CREB3L3: variants seen among roughly 807,000 people sequenced by gnomAD.
The protein encoded by CREB3L3 is cAMP responsive element binding protein 3 like 3, also known as cyclic AMP-responsive element-binding protein 3-like protein 3.
CREB3L3 carries 40 observed loss-of-function variants against 44.6 expected under a neutral mutation model. The observed-to-expected ratio is 0.90, with a 90% CI of 0.70 to 1.17. The LOEUF (loss-of-function observed/expected upper bound fraction) is 1.17, where lower values mean the gene tolerates loss of function less well. Among genes scored for constraint, CREB3L3 ranks in the 50% most tolerant of loss-of-function variants. The pLI is 0.00. For missense variants in CREB3L3, 578 were observed against 595.8 expected (o/e 0.97, Z 0.31); for synonymous variants, 273 against 256.3 (o/e 1.06, Z -0.62).
intron 4 of CREB3L3, among the ~76,000 whole-genome samples, chr19:4,160,315 A>T (rs1408803110): frequency 1.3e-5 from 2 of 151,854 alleles, no homozygotes. Context: ...CAACAAAAAG[A>T]ACAAAGCTAA....
At chr19:4,162,796 G>C (rs350861) in intron 4 of CREB3L3, among the ~76,000 whole-genome samples, 1 of 151,618 alleles carries the variant, frequency 6.6e-6, no homozygotes, top group South Asian at 2.1e-4. Flanking sequence ...CTGGGCAACA[G>C]AGTGAAACCC....
At position 4,157,231 on chromosome 19, in the gene CREB3L3, T is replaced by C; in HGVS notation, c.393T>C (p.Ser131=). Residue 131 remains serine, a synonymous_variant, in exon 3 of 10, where the codon TCT becomes TCC. Transcript: ENST00000078445. ...GCCTCTCCTATCATCCTGGCAACTC[T>C]TGCTCCACCACAACCCCAGGGCCAG... ...GPCLSYHPGN[S]CSTTTPGPVI... The C allele has an allele frequency of 1.9e-6, 3 of 1,614,102 alleles. No homozygotes were observed. The highest frequency in any genetic ancestry group is 2.5e-6 in the Non-Finnish European group (3 of 1,180,004).
At position 4,159,720 on chromosome 19, in the gene CREB3L3, C is replaced by T. The variant is rs1422593567; in HGVS notation, c.514C>T (p.Leu172=). The T allele has an allele frequency of 1.4e-5, 23 of 1,603,290 alleles. No homozygotes were observed. Among genetic ancestry groups the T allele is most frequent in the Middle Eastern group, 1.7e-4 (1 of 6,056 alleles). ...CAEKPADPVD[L]SPRCNLTVKD... is the part of the protein sequence containing the mutation. ...TGAGAAGCCGGCTGATCCGGTGGAC[C>T]TGTCCCCACGATGCAATCTCACCGT... The change falls in exon 4 of 10, where the codon CTG becomes TTG. Residue 172 remains leucine, a synonymous_variant. Transcript: ENST00000078445.
intron 1 of CREB3L3, among the ~76,000 whole-genome samples, chr19:4,154,361 C>T (rs926099022): frequency 5.9e-5 from 9 of 152,086 alleles, no homozygotes; most frequent in East Asian, 3.9e-4. Flanking sequence ...TGTGAGCCAC[C>T]GTGCCTGCCA....
Position 4,164,529 on chromosome 19 carries a change from C to A in CREB3L3, c.603C>A (p.Tyr201Ter), listed in dbSNP as rs1433306229. 1 of 1,614,116 alleles carries A rather than the reference C, an allele frequency of 6.2e-7. No homozygotes were observed. The highest frequency in any genetic ancestry group is 1.7e-5 in the Admixed American group (1 of 60,002). ...DLQQHHLGAS[Y>*]LLRPGAGHCQ... ...AACAGCATCACCTGGGGGCCTCCTA[C>A]CTCCTGCGACCTGGGGCTGGGCACT... is the stretch of plus-strand genomic sequence containing the variant. The change falls in exon 5 of 10, where the codon TAC becomes TAA. Residue 201 changes from tyrosine (Y) to a stop codon, truncating the protein, a stop_gained. Transcript: ENST00000078445. LOFTEE classifies it high-confidence loss of function.
Position 4,153,756 on chromosome 19 carries a change from G to A in CREB3L3, c.9G>A (p.Thr3=), listed in dbSNP as rs200376059. Residue 3 remains threonine (T), a synonymous_variant, in exon 1 of 10, where the codon ACG becomes ACA. Coordinates refer to ENST00000078445, the MANE Select transcript of CREB3L3 (RefSeq NM_032607.3). MN[T]DLAAGKMASA... is the part of the protein sequence containing the mutation. ...CAGAACTGGATGGACCCATGAATAC[G>A]GATTTAGCTGCTGGAAAGGTGAGCC... The A allele has an allele frequency of 6.3e-5, 102 of 1,614,112 alleles. No individual in the cohort carries two copies. The highest frequency in any genetic ancestry group is 7.4e-5 in the Non-Finnish European group (87 of 1,180,034).
At position 4,171,519 on chromosome 19, in the gene CREB3L3, C is replaced by T; in HGVS notation, c.1072+40C>T. The stretch of plus-strand genomic sequence containing the variant: ...CCTTTGAAACCCTTGTCTGGTCTCC[C>T]CAAGTCCCCGTCCTGGGCCTCTGGG... On this transcript the variant is annotated intron_variant, in intron 9 of 9. Coordinates refer to ENST00000078445, the MANE Select transcript of CREB3L3 (RefSeq NM_032607.3). This position sits in a 1 kb window ranked among gnomAD's most constrained non-coding sequence, Gnocchi z 4.9. The T allele has an allele frequency of 6.2e-7, 1 of 1,609,512 alleles. No individual in the cohort carries two copies. Among genetic ancestry groups the T allele is most frequent in the Non-Finnish European group, 8.5e-7 (1 of 1,176,030 alleles).
In CREB3L3 at chr19:4,153,633, C is replaced by G; in HGVS notation, c.-115C>G. 7.8e-7 allele frequency: 1 copy of G among 1,289,274 alleles called. No individual in the cohort carries two copies. Among genetic ancestry groups the G allele is most frequent in the South Asian group, 1.2e-5 (1 of 81,108 alleles). The allele number at this position is 1,289,274 out of a possible 1,614,324, so 79.9% of individuals were successfully genotyped here. On this transcript the variant is annotated 5_prime_UTR_variant, in exon 1 of 10. Coordinates refer to ENST00000078445, the MANE Select transcript of CREB3L3 (RefSeq NM_032607.3). ...CTTCAGCATCTTTTGGGAGTGGTGA[C>G]AGAGCCACAGAGGGCTGTGAGCTTG...
intron 5 of CREB3L3, among the ~76,000 whole-genome samples, chr19:4,167,090 C>T (rs1229431927): frequency 6.6e-6 from 1 of 152,094 alleles, no homozygotes; most frequent in Non-Finnish European, 1.5e-5. Context: ...TGCCTGTAAT[C>T]CCAGCTCTTT....
chr19:4,157,286 A>T lies in CREB3L3; in HGVS notation c.448A>T (p.Ile150Leu). 1 of 1,614,152 alleles carries T rather than the reference A, an allele frequency of 6.2e-7. No homozygotes were observed. The highest frequency in any genetic ancestry group is 1.1e-5 in the South Asian group (1 of 91,088). The change falls in exon 3 of 10, where the codon ATA becomes TTA. Residue 150 changes from isoleucine (I) to leucine (L), a missense_variant. By Grantham distance (5) the Ile-to-Leu change is conservative. Coordinates refer to ENST00000078445, the MANE Select transcript of CREB3L3 (RefSeq NM_032607.3). ...VIQVPEASVT[I>L]DLEMWSPGGR... The stretch of plus-strand genomic sequence containing the variant: ...CCAAGTACCTGAAGCCTCTGTGACC[A>T]TAGACCTGGGTGAGTCCTGCTGTGT...
chr19:4,170,566 C>T (rs1599346630), intron 7 of CREB3L3, among the ~76,000 whole-genome samples: 4 of 151,576 alleles, frequency 2.6e-5, no homozygotes, highest in South Asian at 4.2e-4. Context: ...GAGCCGAGAT[C>T]GCACCACTGC....
intron 4 of CREB3L3, among the ~76,000 whole-genome samples, chr19:4,162,153 C>A (rs2145128047): frequency 6.6e-6 from 1 of 152,184 alleles, no homozygotes; most frequent in Admixed American, 6.5e-5. Flanking sequence ...CTACAGGTGC[C>A]TGCCACCATG....
At chr19:4,154,854 G>A in intron 1 of CREB3L3, 45 bp from the exon 2 acceptor site, 1 of 1,612,698 alleles carries the variant, frequency 6.2e-7, no homozygotes, top group Non-Finnish European at 8.5e-7. Flanking sequence ...AGGTGGGGAG[G>A]ACAGGGGCTG....
In CREB3L3 at chr19:4,166,411, C is replaced by T. The variant is rs540308005; in HGVS notation, c.714+1771C>T. Among the ~76,000 whole-genome samples, 592 of 145,626 alleles carry T rather than the reference C, an allele frequency of 4.1e-3. 8 individuals are homozygous for T. Among genetic ancestry groups the T allele is most frequent in the African/African-American group, 0.014 (568 of 39,360 alleles). ...CTGGGATTACAGGCACGCGCCACCA[C>T]GCCTGGCTAATTTTTTTTTTTTTTT... On this transcript the variant is annotated intron_variant, in intron 5 of 9. Transcript: ENST00000078445.
chr19:4,160,813 A>C, intron 4 of CREB3L3, among the ~76,000 whole-genome samples: 1 of 149,014 alleles, frequency 6.7e-6, no homozygotes. Flanking sequence ...GGCTCACTGC[A>C]AGCTCCGCCT....
chr19:4,172,928 G>T lies in CREB3L3; in HGVS notation c.*959G>T, dbSNP rs976243178. The T allele has an allele frequency of 6.5e-6, 1 of 153,448 alleles. No homozygotes were observed. Among genetic ancestry groups the T allele is most frequent in the Admixed American group, 6.5e-5 (1 of 15,320 alleles). 9.5% of individuals were successfully genotyped at this position (153,448 alleles called of 1,614,324 possible). A position where few individuals can be genotyped will look rare whatever the true frequency, so the allele number is the denominator to read the frequency against. On this transcript the variant is annotated 3_prime_UTR_variant, in exon 10 of 10. Transcript: ENST00000078445. ...CTCCCTCGCACACTGGGAGGAGGAA[G>T]CCGCCGAGACTGCAGGGAGCCTGGC... is the stretch of plus-strand genomic sequence containing the variant.
Position 4,153,736 on chromosome 19 carries a change from C to T in CREB3L3, c.-12C>T. On this transcript the variant is annotated 5_prime_UTR_variant, in exon 1 of 10. Coordinates refer to ENST00000078445, the MANE Select transcript of CREB3L3 (RefSeq NM_032607.3). Reference sequence around the variant, plus strand: ...CCCCCCGAGGCATCTGCAGACAGAACTGGATGGACCCATGAATACGGATTT... The same window carrying T: ...CCCCCCGAGGCATCTGCAGACAGAATTGGATGGACCCATGAATACGGATTT... 6.2e-7 allele frequency: 1 copy of T among 1,614,122 alleles called. No individual in the cohort carries two copies. Among genetic ancestry groups the T allele is most frequent in the South Asian group, 1.1e-5 (1 of 91,074 alleles).
intron 5 of CREB3L3, 58 bp downstream of exon 5, chr19:4,164,698 A>C: frequency 6.3e-7 from 1 of 1,580,856 alleles, no homozygotes. Context: ...ACTTACCTGC[A>C]TGTGTGTCCC....
intron 4 of CREB3L3, among the ~76,000 whole-genome samples, chr19:4,161,746 T>G (rs2041664979): frequency 6.6e-6 from 1 of 152,152 alleles, no homozygotes; most frequent in African/African-American, 2.4e-5. Context: ...ATCCTGATAA[T>G]CTCTAGTGAA....
Sources: allele counts gnomAD v4.1 joint callset (sites outside exome capture counted in the v4.1 genomes callset), GRCh38; gene constraint gnomAD v4.1.1; non-coding constraint Gnocchi (gnomAD v3.1); transcripts MANE v1.5; gene names NCBI Gene and HGNC (gene_info 2026-07-23, HGNC 2026-07-21).